The following AMD1 variants were observed in gnomAD, a reference collection of about 807,000 sequenced individuals.
AMD1 encodes the protein adenosylmethionine decarboxylase 1.
AMD1 carries 11 observed loss-of-function variants against 40.2 expected under a neutral mutation model. That is an observed-to-expected ratio of 0.27 (90% CI 0.17 to 0.45). AMD1 has a LOEUF of 0.45. AMD1 is among the 20% of genes least tolerant of loss of function. AMD1 has a pLI of 1.00. For missense variants in AMD1, 257 were observed against 410.2 expected (o/e 0.63, Z 3.23); for synonymous variants, 121 against 130.8 (o/e 0.93, Z 0.51).
chr6:110,851,551 C>G, the AMD1 span, among the ~76,000 whole-genome samples: 3 of 152,132 alleles, frequency 2.0e-5, no homozygotes, highest in Non-Finnish European at 4.4e-5. Context: ...CAACCTCCAC[C>G]TCCTGGGTTC....
the AMD1 span, among the ~76,000 whole-genome samples, chr6:110,829,398 G>A: frequency 6.4e-4 from 96 of 151,168 alleles, no homozygotes; most frequent in Non-Finnish European, 1.2e-3. Flanking sequence ...ACCGGACATC[G>A]GCCGGGCATG....
chr6:110,875,016 A>G lies in AMD1; in HGVS notation c.-90A>G. ...CCTGAACTTTAGTAACACAGCTGGA[A>G]CAATCCGCAGCGGCGGCGGCAGCGG... On this transcript the variant is annotated 5_prime_UTR_variant, in exon 1 of 9. Transcript: ENST00000368885. 1.0e-6 allele frequency: 1 copy of G among 1,001,452 alleles called. No homozygotes were observed. Among genetic ancestry groups the G allele is most frequent in the Non-Finnish European group, 1.5e-6 (1 of 652,326 alleles). 62.0% of individuals were successfully genotyped at this position (1,001,452 alleles called of 1,614,324 possible).
chr6:110,881,343 G>T (rs190439987), intron 1 of AMD1, among the ~76,000 whole-genome samples: 39 of 152,218 alleles, frequency 2.6e-4, no homozygotes, highest in Non-Finnish European at 4.9e-4. Context: ...CACCCCAGTT[G>T]TGATAAAAAA....
the AMD1 span, among the ~76,000 whole-genome samples, chr6:110,860,055 G>A: frequency 0.036 from 5,478 of 152,166 alleles, 128 homozygotes; most frequent in Middle Eastern, 0.078. Context: ...TCAAACTCCC[G>A]GCCTCAGGTG....
chr6:110,851,474 T>C, the AMD1 span, among the ~76,000 whole-genome samples: 2 of 150,626 alleles, frequency 1.3e-5, no homozygotes, highest in African/African-American at 4.9e-5. Context: ...GTTGTTGTTG[T>C]CGTTTTGATA....
rs769852651 is a variant in AMD1, at chr6:110,888,851, C to T, written c.198-6C>T. The stretch of plus-strand genomic sequence containing the variant: ...GTTATAATATTGTGACTTTTTTCAA[C>T]TGCAGTGAGAGTAGCATGTTTGTCT... On this transcript the variant is annotated splice_polypyrimidine_tract_variant and splice_region_variant and intron_variant, in intron 2 of 8. Coordinates refer to ENST00000368885, the MANE Select transcript of AMD1 (RefSeq NM_001634.6). The T allele has an allele frequency of 1.9e-6, 3 of 1,608,358 alleles. No homozygotes were observed. The highest frequency in any genetic ancestry group is 2.2e-5 in the South Asian group (2 of 89,974).
the AMD1 span, among the ~76,000 whole-genome samples, chr6:110,857,820 A>C: frequency 6.7e-6 from 1 of 149,276 alleles, no homozygotes; most frequent in East Asian, 2.0e-4. Context: ...ATATATATAC[A>C]TATATATCAC....
chr6:110,832,454 A>G, the AMD1 span, among the ~76,000 whole-genome samples: 9 of 152,034 alleles, frequency 5.9e-5, no homozygotes, highest in Non-Finnish European at 1.2e-4. Flanking sequence ...CCTGGCCTAC[A>G]TGCAATTCTT....
rs1389905456 is a variant in AMD1 at position 110,893,076 on chromosome 6, AT to A, written c.864+15del. 6.3e-7 allele frequency: 1 copy of A among 1,580,590 alleles called. No homozygotes were observed. Among genetic ancestry groups the A allele is most frequent in the South Asian group, 1.2e-5 (1 of 84,734 alleles). On this transcript the variant is annotated intron_variant, in intron 8 of 8. Transcript: ENST00000368885. ...TTGTTTGTTAATCAGGTAATTTTAT[AT>A]TTTATTATTAATCAGGTTATTTGAT...
the AMD1 span, among the ~76,000 whole-genome samples, chr6:110,854,737 C>T: frequency 2.0e-5 from 3 of 152,030 alleles, no homozygotes; most frequent in Non-Finnish European, 4.4e-5. Flanking sequence ...AGTGAGCCAC[C>T]GCACCCGGCC....
At chr6:110,837,817 C>G in the AMD1 span, among the ~76,000 whole-genome samples, 8 of 135,770 alleles carry the variant, frequency 5.9e-5, no homozygotes, top group Non-Finnish European at 1.1e-4. Flanking sequence ...AATCCCAGCA[C>G]TTTGGGAGGC....
chr6:110,826,297 A>T, the AMD1 span, among the ~76,000 whole-genome samples: 1 of 145,022 alleles, frequency 6.9e-6, no homozygotes, highest in Non-Finnish European at 1.5e-5. Context: ...AAAAAAAAAG[A>T]ATCAAACTTC....
Position 110,893,010 on chromosome 6 carries a change from A to C in AMD1, c.809A>C (p.Lys270Thr). The stretch of plus-strand genomic sequence containing the variant: ...ACCTCCTATGATGACCTGATCAGGA[A>C]AGTTGTAGAAGTCTTCAAGCCAGGA... ...SQTSYDDLIRKVVEVFKPGKF... is the reference protein window; with the variant it reads ...SQTSYDDLIRTVVEVFKPGKF... The change falls in exon 8 of 9, where the codon AAA becomes ACA. Residue 270 changes from lysine (K) to threonine (T), a missense_variant. By Grantham distance (78) the Lys-to-Thr change is moderately conservative (BLOSUM62 -1). Around this residue, in one of 3 missense-constraint regions of AMD1, gnomAD observed 192 missense variants for 296.5 expected, o/e 0.65. Coordinates refer to ENST00000368885, the MANE Select transcript of AMD1 (RefSeq NM_001634.6). 1 of 1,613,680 alleles carries C rather than the reference A, an allele frequency of 6.2e-7. No homozygotes were observed. Among genetic ancestry groups the C allele is most frequent in the African/African-American group, 1.3e-5 (1 of 75,058 alleles).
chr6:110,829,511 A>G, the AMD1 span, among the ~76,000 whole-genome samples: 1 of 151,632 alleles, frequency 6.6e-6, no homozygotes, highest in Non-Finnish European at 1.5e-5. Context: ...TACTAAAAAT[A>G]CAAAAAAATT....
chr6:110,843,026 G>A, the AMD1 span, among the ~76,000 whole-genome samples: 70 of 152,176 alleles, frequency 4.6e-4, no homozygotes, highest in African/African-American at 1.5e-3. Flanking sequence ...CCAGCTACTC[G>A]GGAGGCTGAG....
At chr6:110,825,315 A>C in the AMD1 span, among the ~76,000 whole-genome samples, 1 of 152,200 alleles carries the variant, frequency 6.6e-6, no homozygotes, top group Non-Finnish European at 1.5e-5. Flanking sequence ...GTAACTAGTA[A>C]CTAATTGAAA....
the AMD1 span, among the ~76,000 whole-genome samples, chr6:110,828,089 T>C: frequency 1.3e-5 from 2 of 152,184 alleles, no homozygotes; most frequent in Non-Finnish European, 2.9e-5. Context: ...GGCATTTTAA[T>C]TTTTATTCAG....
chr6:110,869,292 G>A, the AMD1 span, among the ~76,000 whole-genome samples: 1 of 150,952 alleles, frequency 6.6e-6, no homozygotes, highest in East Asian at 2.0e-4. Context: ...CACCGCGCCC[G>A]GCTAATTTTT....
At chr6:110,875,382 G>A (rs1785038715) in intron 1 of AMD1, among the ~76,000 whole-genome samples, 167 bp downstream of exon 1, 1 of 152,156 alleles carries the variant, frequency 6.6e-6, no homozygotes, top group Non-Finnish European at 1.5e-5. Context: ...GGGGAGAGCG[G>A]CCATGTCCAC....
Sources: gnomAD v4.1 joint callset for allele counts (sites outside exome capture counted in the v4.1 genomes callset) on GRCh38, gnomAD v4.1.1 for gene constraint, gnomAD v4.1.1 regional missense constraint, MANE v1.5 for transcripts, NCBI Gene and HGNC (gene_info 2026-07-23, HGNC 2026-07-21) for gene names.